ZNF341: variants seen among roughly 807,000 people sequenced by gnomAD.
ZNF341 encodes the protein zinc finger protein 341.
In ZNF341, 52 loss-of-function variants were observed where a neutral mutation model predicts 87.7. That is an observed-to-expected ratio of 0.59 (90% CI 0.47 to 0.75). ZNF341 has a LOEUF of 0.75. Ranked by LOEUF, ZNF341 falls within the 30% of genes least tolerant of loss-of-function variation. ZNF341 has a pLI of 0.00. For missense variants in ZNF341, 977 were observed against 1,145.9 expected, an observed-to-expected ratio of 0.85 and a Z score of 2.13; for synonymous variants, 459 against 472.7, an observed-to-expected ratio of 0.97 and a Z score of 0.38.
At chr20:33,790,293 G>A (rs375744000) in intron 14 of ZNF341, among the ~76,000 whole-genome samples, 3 of 151,940 alleles carry the variant, frequency 2.0e-5, no homozygotes, top group Admixed American at 1.3e-4. Flanking sequence ...GGCTGGTGTC[G>A]AACTCCTGAC....
chr20:33,736,566 T>G (rs989407489), intron 1 of ZNF341, among the ~76,000 whole-genome samples: 1 of 152,124 alleles, frequency 6.6e-6, no homozygotes, highest in Non-Finnish European at 1.5e-5. Context: ...CTTGGCTCAC[T>G]GCAACCTCCA....
At chr20:33,769,674 C>A (rs1039622258) in intron 9 of ZNF341, among the ~76,000 whole-genome samples, 2 of 152,024 alleles carry the variant, frequency 1.3e-5, no homozygotes, top group Admixed American at 6.6e-5. Flanking sequence ...ACTTTGGGAG[C>A]CCAAGGCGGG....
chr20:33,781,603 C>T (rs1254573443), intron 11 of ZNF341, among the ~76,000 whole-genome samples: 3 of 152,188 alleles, frequency 2.0e-5, no homozygotes, highest in Non-Finnish European at 2.9e-5. Flanking sequence ...TGGAGCCAGG[C>T]TGGGTGGGCT....
At chr20:33,746,007 C>T (rs1201744880) in intron 3 of ZNF341, among the ~76,000 whole-genome samples, 160 of 149,274 alleles carry the variant, frequency 1.1e-3, no homozygotes, top group African/African-American at 3.7e-3. Flanking sequence ...CTCGGCTCAC[C>T]GCAAGCTCCG....
In ZNF341 at chr20:33,757,168, G is replaced by A; in HGVS notation, c.762G>A (p.Glu254=). ...PPLEVPNQCV[E]PPVYPTPTVY... ...CCTAGGTGCCAAACCAGTGTGTGGA[G>A]CCTCCAGTATATCCCACCCCCACAG... The change falls in exon 6 of 15, where the codon GAG becomes GAA. Residue 254 remains glutamate, a synonymous_variant. Transcript: ENST00000375200. 6.8e-7 allele frequency: 1 copy of A among 1,462,710 alleles called. No homozygotes were observed. Among genetic ancestry groups the A allele is most frequent in the Non-Finnish European group, 9.1e-7 (1 of 1,103,626 alleles). 90.6% of individuals were successfully genotyped at this position (1,462,710 alleles called of 1,614,324 possible). A position where few individuals can be genotyped will look rare whatever the true frequency, so the allele number is the denominator to read the frequency against.
chr20:33,756,452 C>G (rs527894308), intron 5 of ZNF341, among the ~76,000 whole-genome samples: 1 of 151,636 alleles, frequency 6.6e-6, no homozygotes, highest in Admixed American at 6.6e-5. Flanking sequence ...CTGCAACCTC[C>G]GCCTCCCAGG....
At chr20:33,759,623 A>G (rs970298760) in intron 7 of ZNF341, among the ~76,000 whole-genome samples, 1 of 152,122 alleles carries the variant, frequency 6.6e-6, no homozygotes, top group Non-Finnish European at 1.5e-5. Flanking sequence ...ATGGGGTTGA[A>G]AAGTTCTGAA....
At chr20:33,739,639 A>C (rs1260758815) in intron 1 of ZNF341, among the ~76,000 whole-genome samples, 2 of 151,968 alleles carry the variant, frequency 1.3e-5, no homozygotes, top group Non-Finnish European at 2.9e-5. Context: ...CCGCGTGCAC[A>C]CAGATTTGTG....
chr20:33,772,174 G>A (rs889393625), intron 10 of ZNF341, among the ~76,000 whole-genome samples: 1 of 152,044 alleles, frequency 6.6e-6, no homozygotes, highest in Non-Finnish European at 1.5e-5. Context: ...ACATCACTTT[G>A]ATGATGTCAT....
At chr20:33,783,420 G>C (rs187604378) in intron 11 of ZNF341, among the ~76,000 whole-genome samples, 1 of 152,260 alleles carries the variant, frequency 6.6e-6, no homozygotes, top group African/African-American at 2.4e-5. Context: ...GGGAGCTAGG[G>C]AAGGCTTGAC....
Position 33,791,689 on chromosome 20 carries a change from T to C in ZNF341, c.*172T>C. 1.4e-6 allele frequency: 1 copy of C among 727,776 alleles called. No individual in the cohort carries two copies. The highest frequency in any genetic ancestry group is 2.1e-6 in the Non-Finnish European group (1 of 471,676). 45.1% of individuals were successfully genotyped at this position (727,776 alleles called of 1,614,324 possible). A position where few individuals can be genotyped will look rare whatever the true frequency, so the allele number is the denominator to read the frequency against. Reference sequence around the variant, plus strand: ...GCCCATGGTCGCCCTCCTGTGCCCCTCTCCTGCCGGAAAGCCCTGCAACAT... The same window carrying C: ...GCCCATGGTCGCCCTCCTGTGCCCCCCTCCTGCCGGAAAGCCCTGCAACAT... On this transcript the variant is annotated 3_prime_UTR_variant, in exon 15 of 15. Transcript: ENST00000375200.
intron 10 of ZNF341, among the ~76,000 whole-genome samples, chr20:33,777,322 CAAAAAAAAA>C (rs71192713): frequency 7.3e-4 from 24 of 32,670 alleles, no homozygotes; most frequent in African/African-American, 1.8e-3. Flanking sequence ...GACCCTATCT[CAAAAAAAAA>C]AAAAAAAAAA....
In ZNF341 at chr20:33,747,398, G is replaced by A. The variant is rs1568936824; in HGVS notation, c.340-1525G>A. ...TGGGAGGCCGAGGCGGGCGGATCAC[G>A]AGGTCAGGAGATCGAGACCATCCCG... On this transcript the variant is annotated intron_variant, in intron 3 of 14. Coordinates refer to ENST00000375200, the MANE Select transcript of ZNF341 (RefSeq NM_001282933.2). Among the ~76,000 whole-genome samples the A allele has an allele frequency of 2.9e-5, 4 of 135,998 alleles. 1 individual carries two copies. Among genetic ancestry groups the A allele is most frequent in the Admixed American group, 2.1e-4 (3 of 14,464 alleles). 89.2% of individuals were successfully genotyped at this position (135,998 alleles called of 152,430 possible).
chr20:33,783,692 G>T (rs762079399), intron 11 of ZNF341, 40 bp from the exon 12 acceptor site: 2 of 1,612,942 alleles, frequency 1.2e-6, no homozygotes, highest in South Asian at 2.2e-5. Flanking sequence ...GGGGAGGGGG[G>T]CCCGGTGAGT....
Position 33,788,481 on chromosome 20 carries a change from C to T in ZNF341, c.1853-382C>T, listed in dbSNP as rs1041566759. ...GCTCTGCCTCCCAGGTCCTCCCATGCGGACCTGGCTGGCTCGCTGCCCTCA... is the reference window on the plus strand; with the variant it reads ...GCTCTGCCTCCCAGGTCCTCCCATGTGGACCTGGCTGGCTCGCTGCCCTCA... On this transcript the variant is annotated intron_variant, in intron 12 of 14. Coordinates refer to ENST00000375200, the MANE Select transcript of ZNF341 (RefSeq NM_001282933.2). 19 of 263,394 alleles carry T rather than the reference C, an allele frequency of 7.2e-5. No individual in the cohort carries two copies. In the East Asian group the frequency reaches 1.3e-3, roughly 18 times the overall value. 16.3% of individuals were successfully genotyped at this position (263,394 alleles called of 1,614,324 possible).
intron 3 of ZNF341, among the ~76,000 whole-genome samples, chr20:33,746,501 G>C (rs1278470861): frequency 6.6e-6 from 1 of 152,100 alleles, no homozygotes; most frequent in Non-Finnish European, 1.5e-5. Context: ...CAAAGTGCCA[G>C]GATAACAAGT....
intron 12 of ZNF341, among the ~76,000 whole-genome samples, chr20:33,786,325 C>T (rs1189079846): frequency 6.6e-6 from 1 of 152,134 alleles, no homozygotes; most frequent in East Asian, 1.9e-4. Context: ...CGTTAAATTA[C>T]ATTTCAGCTA....
chr20:33,734,975 G>A (rs958534081), intron 1 of ZNF341, among the ~76,000 whole-genome samples: 1 of 151,544 alleles, frequency 6.6e-6, no homozygotes, highest in Non-Finnish European at 1.5e-5. Context: ...CAAAGTGCTG[G>A]GATTACAGGC....
intron 12 of ZNF341, among the ~76,000 whole-genome samples, chr20:33,785,921 G>T (rs181623610): frequency 2.8e-4 from 42 of 151,570 alleles, no homozygotes; most frequent in Non-Finnish European, 4.3e-4. Context: ...CCCTCCCCCG[G>T]GCCCCCCCCA....
Sources: gnomAD v4.1 joint callset for allele counts (sites outside exome capture counted in the v4.1 genomes callset) on GRCh38, gnomAD v4.1.1 for gene constraint, MANE v1.5 for transcripts, NCBI Gene and HGNC (gene_info 2026-07-23, HGNC 2026-07-21) for gene names.